The following GRM1 variants were observed in gnomAD, a reference collection of about 807,000 sequenced individuals.
GRM1 encodes the protein glutamate metabotropic receptor 1.
A neutral mutation model predicts 90.9 loss-of-function variants in GRM1; 33 were observed. The observed-to-expected ratio is 0.36, with a 90% CI of 0.28 to 0.49. The LOEUF (loss-of-function observed/expected upper bound fraction) is 0.49, where lower values mean the gene tolerates loss of function less well. GRM1 is among the 20% of genes least tolerant of loss of function. The pLI is 0.99. For synonymous variants in GRM1, 700 were observed against 613.2 expected, an observed-to-expected ratio of 1.14 and a Z score of -2.09; for missense variants, 1,190 against 1,534.3, an observed-to-expected ratio of 0.78 and a Z score of 3.75.
At chr6:146,142,813 G>T (rs988109499) in intron 1 of GRM1, among the ~76,000 whole-genome samples, 1 of 152,102 alleles carries the variant, frequency 6.6e-6, no homozygotes, top group African/African-American at 2.4e-5. Flanking sequence ...CTCACCCAGG[G>T]AAGGTTGAGA....
intron 1 of GRM1, among the ~76,000 whole-genome samples, chr6:146,104,024 T>C (rs1353194901): frequency 1.3e-5 from 2 of 152,118 alleles, no homozygotes; most frequent in African/African-American, 4.8e-5. Flanking sequence ...TGGGAGTTGC[T>C]TGTTTTGCAG....
chr6:146,149,352 T>C (rs1404126470), intron 1 of GRM1, among the ~76,000 whole-genome samples: 1 of 152,164 alleles, frequency 6.6e-6, no homozygotes, highest in Non-Finnish European at 1.5e-5. Flanking sequence ...AATCATGAGC[T>C]TGGGTTTTAT....
chr6:146,272,297 G>A (rs2114828420), intron 2 of GRM1, among the ~76,000 whole-genome samples: 1 of 152,296 alleles, frequency 6.6e-6, no homozygotes, highest in South Asian at 2.1e-4. Flanking sequence ...TACTTTAGCT[G>A]AGATTTATTT....
intron 2 of GRM1, among the ~76,000 whole-genome samples, chr6:146,292,536 A>G (rs1321258449): frequency 6.6e-6 from 1 of 151,978 alleles, no homozygotes; most frequent in Non-Finnish European, 1.5e-5. Flanking sequence ...ATCATTAGCC[A>G]TTACAAAAAT....
At chr6:146,190,541 C>T (rs1778899768) in intron 2 of GRM1, among the ~76,000 whole-genome samples, 1 of 152,112 alleles carries the variant, frequency 6.6e-6, no homozygotes, top group Admixed American at 6.5e-5. Flanking sequence ...AGGAGCAGCT[C>T]TCTCAAAACG....
chr6:146,217,382 G>T (rs528336273), intron 2 of GRM1, among the ~76,000 whole-genome samples: 7 of 152,116 alleles, frequency 4.6e-5, no homozygotes, highest in Non-Finnish European at 1.0e-4. Flanking sequence ...CGTTCTTCTC[G>T]ACTGATAACA....
intron 2 of GRM1, among the ~76,000 whole-genome samples, chr6:146,237,476 T>TA (rs1780691947): frequency 6.6e-6 from 1 of 152,082 alleles, no homozygotes; most frequent in African/African-American, 2.4e-5. Flanking sequence ...TAGTTATTTG[T>TA]AAAATATTTT....
At chr6:146,410,100 CTT>C (rs1420851938) in intron 7 of GRM1, among the ~76,000 whole-genome samples, 2 of 152,092 alleles carry the variant, frequency 1.3e-5, no homozygotes, top group Non-Finnish European at 2.9e-5. Context: ...AAAATATAGA[CTT>C]ATGTAATAAA....
At chr6:146,383,147 A>C (rs908805206) in intron 5 of GRM1, among the ~76,000 whole-genome samples, 3 of 152,200 alleles carry the variant, frequency 2.0e-5, no homozygotes, top group Admixed American at 6.5e-5. Flanking sequence ...GGATTAAAAA[A>C]CTAACTCCAT....
At chr6:146,191,082 T>C (rs1235407812) in intron 2 of GRM1, among the ~76,000 whole-genome samples, 2 of 152,190 alleles carry the variant, frequency 1.3e-5, no homozygotes, top group Non-Finnish European at 2.9e-5. Flanking sequence ...ATCTCTGCTG[T>C]TTGGAAAGGT....
chr6:146,114,877 A>C (rs745821164), intron 1 of GRM1, among the ~76,000 whole-genome samples: 6 of 152,116 alleles, frequency 3.9e-5, no homozygotes, highest in Non-Finnish European at 8.8e-5. Flanking sequence ...ATAATAAGAA[A>C]TTTAGATTAG....
At position 146,267,607 on chromosome 6, in the gene GRM1, G is replaced by T. The variant is rs1050818225; in HGVS notation, c.951-37004G>T. Among the ~76,000 whole-genome samples the T allele has an allele frequency of 2.1e-5, 3 of 144,828 alleles. No homozygotes were observed. In the Admixed American group the frequency reaches 2.1e-4, roughly 10 times the overall value. ...CAAGAAGTATCCAGCATGGGAGAAA[G>T]ATGTAGGCTGGGAGGCTGGGCTGGG... On this transcript the variant is annotated intron_variant, in intron 2 of 7. Coordinates refer to ENST00000282753, the MANE Select transcript of GRM1 (RefSeq NM_001278064.2).
intron 2 of GRM1, among the ~76,000 whole-genome samples, chr6:146,232,587 T>C (rs1475841163): frequency 1.3e-5 from 2 of 152,078 alleles, no homozygotes; most frequent in Non-Finnish European, 2.9e-5. Context: ...TTGTTGACTG[T>C]AGTCACCCTG....
intron 1 of GRM1, among the ~76,000 whole-genome samples, chr6:146,091,581 G>A (rs964112389): frequency 6.6e-6 from 1 of 152,068 alleles, no homozygotes; most frequent in Non-Finnish European, 1.5e-5. Context: ...AGCAGCCAGG[G>A]AATCCAGTGT....
intron 3 of GRM1, among the ~76,000 whole-genome samples, chr6:146,307,800 A>C (rs1353703608): frequency 6.6e-6 from 1 of 152,192 alleles, no homozygotes; most frequent in East Asian, 1.9e-4. Flanking sequence ...ACTTAATCCC[A>C]GATGTCACTA....
chr6:146,170,010 T>C (rs907187787), intron 2 of GRM1, among the ~76,000 whole-genome samples: 3 of 152,232 alleles, frequency 2.0e-5, no homozygotes, highest in African/African-American at 7.2e-5. Context: ...TTATTTCACC[T>C]TTAATTTTGA....
chr6:146,323,971 A>G (rs1444750194), intron 3 of GRM1, among the ~76,000 whole-genome samples: 1 of 152,204 alleles, frequency 6.6e-6, no homozygotes, highest in Admixed American at 6.5e-5. Context: ...TGGTACCAGT[A>G]CCATGCTGTT....
chr6:146,235,436 T>C (rs946951974), intron 2 of GRM1, among the ~76,000 whole-genome samples: 1 of 152,116 alleles, frequency 6.6e-6, no homozygotes, highest in Non-Finnish European at 1.5e-5. Flanking sequence ...GCTTATTGTA[T>C]TTGTGACTTC....
intron 1 of GRM1, among the ~76,000 whole-genome samples, chr6:146,127,731 A>G (rs751781269): frequency 1.3e-5 from 2 of 152,326 alleles, no homozygotes; most frequent in Admixed American, 1.3e-4. Flanking sequence ...CAAGATTTCA[A>G]TCTCCCCAAG....
Sources: allele counts gnomAD v4.1 joint callset (sites outside exome capture counted in the v4.1 genomes callset), GRCh38; gene constraint gnomAD v4.1.1; transcripts MANE v1.5; gene names NCBI Gene and HGNC (gene_info 2026-07-23, HGNC 2026-07-21).